AGGF1: variants seen among roughly 807,000 people sequenced by gnomAD.
The protein encoded by AGGF1 is angiogenic factor with G-patch and FHA domains 1.
In AGGF1, 56 loss-of-function variants were observed where a neutral mutation model predicts 86.5. The observed-to-expected ratio is 0.65, with a 90% CI of 0.52 to 0.81. The LOEUF (loss-of-function observed/expected upper bound fraction) is 0.81. Ranked by LOEUF, AGGF1 falls within the 30% of genes least tolerant of loss-of-function variation. The pLI is 0.00. For synonymous variants in AGGF1, 313 were observed against 297.1 expected (o/e 1.05, Z -0.55); for missense variants, 816 against 850.9 (o/e 0.96, Z 0.51).
At chr5:77,043,512 G>A (rs1344684039) in intron 5 of AGGF1, among the ~76,000 whole-genome samples, 24 of 131,396 alleles carry the variant, frequency 1.8e-4, no homozygotes, top group Admixed American at 3.0e-4. Flanking sequence ...CCTCCCGGAC[G>A]GGGCGGCTGG....
intron 11 of AGGF1, among the ~76,000 whole-genome samples, chr5:77,059,391 A>T (rs1747513481): frequency 6.6e-6 from 1 of 152,118 alleles, no homozygotes; most frequent in African/African-American, 2.4e-5. Context: ...TGTATTGCTC[A>T]CACTGGTCTC....
At chr5:77,040,424 A>T (rs1747054242) in intron 5 of AGGF1, among the ~76,000 whole-genome samples, 1 of 151,860 alleles carries the variant, frequency 6.6e-6, no homozygotes, top group African/African-American at 2.4e-5. Context: ...AAATATTAAA[A>T]AAAAAAAAAA....
intron 4 of AGGF1, among the ~76,000 whole-genome samples, chr5:77,038,539 A>G (rs1296163166): frequency 6.6e-6 from 1 of 152,178 alleles, no homozygotes; most frequent in African/African-American, 2.4e-5. Flanking sequence ...TAAAAGTTCC[A>G]TTATTACTAG....
chr5:77,050,306 C>CTTTTTTTTTTTTTT (rs10595061), intron 8 of AGGF1, among the ~76,000 whole-genome samples: 306 of 76,584 alleles, frequency 4.0e-3, no homozygotes, highest in African/African-American at 6.5e-3. Flanking sequence ...TTCTTTGTTT[C>CTTTTTTTTTTTTTT]TTTTTTTTTT....
rs1202325275 is a variant in AGGF1 at position 77,030,615 on chromosome 5, T to G, written c.-152T>G. 6.9e-6 allele frequency: 6 copies of G among 865,246 alleles called. No individual in the cohort carries two copies. The highest frequency in any genetic ancestry group is 9.3e-6 in the Non-Finnish European group (5 of 536,034). 53.6% of individuals were successfully genotyped at this position (865,246 alleles called of 1,614,324 possible). A position where few individuals can be genotyped will look rare whatever the true frequency, so the allele number is the denominator to read the frequency against. On this transcript the variant is annotated 5_prime_UTR_variant, in exon 1 of 14. Coordinates refer to ENST00000312916, the MANE Select transcript of AGGF1 (RefSeq NM_018046.5). ...AGCCCCGTTCGGCTACAAGTGAGTT[T>G]CAGGGCGTCATGGCCAGGGGCCACC...
chr5:77,030,906 A>T lies in AGGF1; in HGVS notation c.140A>T (p.Glu47Val), dbSNP rs375330027. 1.9e-6 allele frequency: 3 copies of T among 1,613,400 alleles called. No individual in the cohort carries two copies. The highest frequency in any genetic ancestry group is 2.5e-6 in the Non-Finnish European group (3 of 1,180,000). The change falls in exon 1 of 14, where the codon GAG (glutamate) becomes GTG (valine). Residue 47 changes from glutamate (E) to valine (V), a missense_variant. Coordinates refer to ENST00000312916, the MANE Select transcript of AGGF1 (RefSeq NM_018046.5). The stretch of plus-strand genomic sequence containing the variant: ...TGCAAGCGGCAGGTGCGGGAGATCG[A>T]GAAGCTGCTGCATCACACAGAACGG... ...RSCKRQVREI[E>V]KLLHHTERLY...
At chr5:77,059,767 C>T (rs200569863) in intron 12 of AGGF1, 24 bp downstream of exon 12, 119 of 1,612,434 alleles carry the variant, frequency 7.4e-5, no homozygotes, top group Non-Finnish European at 9.1e-5. Flanking sequence ...TACAGTGGCT[C>T]GAAACATCCT....
Position 77,059,604 on chromosome 5 carries a change from G to C in AGGF1, c.1717-12G>C. ...CTTTCTTTTCCTGAATGAATATTTT[G>C]TGTTTATTAAGAATACAGAATACGA... On this transcript the variant is annotated splice_polypyrimidine_tract_variant and intron_variant, in intron 11 of 13. Coordinates refer to ENST00000312916, the MANE Select transcript of AGGF1 (RefSeq NM_018046.5). 1 of 1,592,936 alleles carries C rather than the reference G, an allele frequency of 6.3e-7. No homozygotes were observed.
chr5:77,063,169 C>A lies in AGGF1; in HGVS notation c.2062C>A (p.Arg688=), dbSNP rs751493292. The change falls in exon 14 of 14, where the codon CGG becomes AGG. Residue 688 remains arginine (R), a synonymous_variant. Coordinates refer to ENST00000312916, the MANE Select transcript of AGGF1 (RefSeq NM_018046.5). ...AAAAAACTGGGACAAAGCACGAGAGCGGTTTACTGAAAACTTCCCAGAAAC... is the reference window on the plus strand; with the variant it reads ...AAAAAACTGGGACAAAGCACGAGAGAGGTTTACTGAAAACTTCCCAGAAAC... The part of the protein sequence containing the change: ...NKKNWDKARE[R]FTENFPETKP... 1 of 1,613,884 alleles carries A rather than the reference C, an allele frequency of 6.2e-7. No individual in the cohort carries two copies. The highest frequency in any genetic ancestry group is 8.5e-7 in the Non-Finnish European group (1 of 1,179,906).
intron 4 of AGGF1, among the ~76,000 whole-genome samples, chr5:77,037,184 T>C (rs1746984144): frequency 6.6e-6 from 1 of 152,186 alleles, no homozygotes; most frequent in African/African-American, 2.4e-5. Context: ...TTATAGACAA[T>C]GTTTTGGAGA....
At chr5:77,031,063 G>C in intron 1 of AGGF1, 87 bp downstream of exon 1, 1 of 1,412,306 alleles carries the variant, frequency 7.1e-7, no homozygotes. Context: ...GTCCCTGGCA[G>C]GGGCTCAGAA....
intron 9 of AGGF1, among the ~76,000 whole-genome samples, chr5:77,053,100 T>A (rs1246601712): frequency 3.3e-5 from 5 of 152,222 alleles, no homozygotes; most frequent in African/African-American, 1.2e-4. Flanking sequence ...TTGAAGGTCG[T>A]CCCTTTTTTT....
At position 77,063,919 on chromosome 5, in the gene AGGF1, A is replaced by C. The variant is rs906755109; in HGVS notation, c.*667A>C. On this transcript the variant is annotated 3_prime_UTR_variant, in exon 14 of 14. Transcript: ENST00000312916. The stretch of plus-strand genomic sequence containing the variant: ...GAGGTATTTAGATATGAACAACTGA[A>C]TACATATTGAAATAGTGTGCTGGCT... 6.5e-6 allele frequency: 1 copy of C among 152,784 alleles called. No homozygotes were observed. Among genetic ancestry groups the C allele is most frequent in the African/African-American group, 2.4e-5 (1 of 41,450 alleles). 9.5% of individuals were successfully genotyped at this position (152,784 alleles called of 1,614,324 possible). A position where few individuals can be genotyped will look rare whatever the true frequency, so the allele number is the denominator to read the frequency against.
chr5:77,042,586 ACC>A (rs1265465953), intron 5 of AGGF1, among the ~76,000 whole-genome samples: 9 of 22,328 alleles, frequency 4.0e-4, no homozygotes, highest in Admixed American at 1.4e-3. Context: ...GGGGGGGCTG[ACC>A]CCCCCCCACC....
rs541415087 is a variant in AGGF1 at position 77,064,795 on chromosome 5, C to A, written c.*1543C>A. The A allele has an allele frequency of 6.6e-6, 1 of 152,056 alleles. No individual in the cohort carries two copies. The highest frequency in any genetic ancestry group is 1.5e-5 in the Non-Finnish European group (1 of 68,010). The allele number at this position is 152,056 out of a possible 1,614,324, so 9.4% of individuals were successfully genotyped here. On this transcript the variant is annotated 3_prime_UTR_variant, in exon 14 of 14. Transcript: ENST00000312916. Reference sequence around the variant, plus strand: ...CTGTATATATGTAACAATATAGGACCCCTCCAAATAGGTTTTGCTTCTGGT... The same window carrying A: ...CTGTATATATGTAACAATATAGGACACCTCCAAATAGGTTTTGCTTCTGGT...
At position 77,059,708 on chromosome 5, in the gene AGGF1, T is replaced by A. The variant is rs762815931; in HGVS notation, c.1809T>A (p.Thr603=). The A allele has an allele frequency of 2.2e-5, 35 of 1,613,760 alleles. No homozygotes were observed. The highest frequency in any genetic ancestry group is 2.7e-5 in the African/African-American group (2 of 74,944). ...KRREQVGSEG[T]FQRDDAPASV... is the part of the protein sequence containing the mutation. The stretch of plus-strand genomic sequence containing the variant: ...GGGAGCAGGTTGGAAGTGAAGGAAC[T>A]TTCCAAAGAGATGATGCTCCTGCAT... Residue 603 remains threonine, a synonymous_variant, in exon 12 of 14, where the codon ACT becomes ACA. Coordinates refer to ENST00000312916, the MANE Select transcript of AGGF1 (RefSeq NM_018046.5).
At chr5:77,060,557 T>C (rs1747538611) in intron 12 of AGGF1, among the ~76,000 whole-genome samples, 1 of 152,230 alleles carries the variant, frequency 6.6e-6, no homozygotes, top group African/African-American at 2.4e-5. Context: ...TTTAATCAAA[T>C]ATTAGCTGCA....
rs1373793862 is a variant in AGGF1 at position 77,063,969 on chromosome 5, G to T, written c.*717G>T. 6.6e-6 allele frequency: 1 copy of T among 152,550 alleles called. No individual in the cohort carries two copies. The highest frequency in any genetic ancestry group is 1.9e-4 in the East Asian group (1 of 5,196). 9.4% of individuals were successfully genotyped at this position (152,550 alleles called of 1,614,324 possible). A position where few individuals can be genotyped will look rare whatever the true frequency, so the allele number is the denominator to read the frequency against. On this transcript the variant is annotated 3_prime_UTR_variant, in exon 14 of 14. Transcript: ENST00000312916. The stretch of plus-strand genomic sequence containing the variant: ...TTTTGTAGTTTTGATAAAGACCATT[G>T]CAGGCAATGGAATTGTGCCAGAGAA...
At chr5:77,058,600 A>G (rs1362871336) in intron 11 of AGGF1, among the ~76,000 whole-genome samples, 1 of 152,206 alleles carries the variant, frequency 6.6e-6, no homozygotes, top group African/African-American at 2.4e-5. Context: ...TTCTGGAGGA[A>G]AAACTTACTA....
Sources: gnomAD v4.1 joint callset for allele counts (sites outside exome capture counted in the v4.1 genomes callset) on GRCh38, gnomAD v4.1.1 for gene constraint, MANE v1.5 for transcripts, NCBI Gene and HGNC (gene_info 2026-07-23, HGNC 2026-07-21) for gene names.